GALNT7: variants seen among roughly 807,000 people sequenced by gnomAD.
The protein encoded by GALNT7 is polypeptide N-acetylgalactosaminyltransferase 7.
In GALNT7, 60 loss-of-function variants were observed where a neutral mutation model predicts 82.1. The observed-to-expected ratio is 0.73, with a 90% CI of 0.59 to 0.91. The LOEUF is 0.91. Ranked by LOEUF, GALNT7 falls within the 40% of genes least tolerant of loss-of-function variation. GALNT7 has a pLI of 0.00. For synonymous variants in GALNT7, 243 were observed against 275.1 expected, an observed-to-expected ratio of 0.88 and a Z score of 1.15; for missense variants, 660 against 804.2, an observed-to-expected ratio of 0.82 and a Z score of 2.17.
chr4:173,277,302 G>A (rs774503031), intron 2 of GALNT7, among the ~76,000 whole-genome samples: 12 of 152,142 alleles, frequency 7.9e-5, no homozygotes, highest in Non-Finnish European at 1.6e-4. Context: ...TGGGAGACTC[G>A]GAAGTACAAA....
chr4:173,211,769 T>C (rs1733292002), intron 1 of GALNT7, among the ~76,000 whole-genome samples: 1 of 152,222 alleles, frequency 6.6e-6, no homozygotes, highest in African/African-American at 2.4e-5. Flanking sequence ...TCTTGATACC[T>C]TTTAGACTCA....
chr4:173,250,748 C>T (rs1396787782), intron 2 of GALNT7, among the ~76,000 whole-genome samples: 1 of 152,194 alleles, frequency 6.6e-6, no homozygotes, highest in East Asian at 1.9e-4. Flanking sequence ...GCAGCCCCCA[C>T]GCTGTGGCCC....
chr4:173,255,347 G>A (rs1734999057), intron 2 of GALNT7, among the ~76,000 whole-genome samples: 1 of 152,094 alleles, frequency 6.6e-6, no homozygotes, highest in African/African-American at 2.4e-5. Flanking sequence ...TGTCCAAGTT[G>A]CTCTATTGAC....
intron 1 of GALNT7, among the ~76,000 whole-genome samples, chr4:173,184,310 T>C (rs1296490801): frequency 1.3e-5 from 2 of 151,742 alleles, no homozygotes; most frequent in African/African-American, 2.4e-5. Context: ...CTGGGCAACA[T>C]TGAGCACTGA....
intron 6 of GALNT7, among the ~76,000 whole-genome samples, chr4:173,299,361 A>G (rs1736834443): frequency 6.6e-6 from 1 of 152,156 alleles, no homozygotes; most frequent in Non-Finnish European, 1.5e-5. Flanking sequence ...TTAACAAATA[A>G]CTGTGGGAGA....
chr4:173,218,137 A>G (rs1336824307), intron 1 of GALNT7, among the ~76,000 whole-genome samples: 1 of 152,162 alleles, frequency 6.6e-6, no homozygotes, highest in Non-Finnish European at 1.5e-5. Flanking sequence ...CTTCAGCATA[A>G]ATGATAATAA....
intron 1 of GALNT7, among the ~76,000 whole-genome samples, chr4:173,193,897 G>GT (rs1442420618): frequency 2.6e-5 from 4 of 151,768 alleles, no homozygotes; most frequent in African/African-American, 4.8e-5. Context: ...AAAAACTATT[G>GT]TTTTTTTTAA....
chr4:173,258,132 A>G (rs747323298), intron 2 of GALNT7, among the ~76,000 whole-genome samples: 1 of 152,252 alleles, frequency 6.6e-6, no homozygotes, highest in Non-Finnish European at 1.5e-5. Context: ...AGCCTTGGGT[A>G]TTCTTATTTA....
At chr4:173,216,996 GC>G (rs1308009708) in intron 1 of GALNT7, among the ~76,000 whole-genome samples, 17 of 151,716 alleles carry the variant, frequency 1.1e-4, no homozygotes, top group African/African-American at 4.1e-4. Context: ...CTCCCAAAGT[GC>G]TGGGATTACA....
intron 1 of GALNT7, among the ~76,000 whole-genome samples, chr4:173,196,050 C>G (rs1321086170): frequency 2.0e-5 from 3 of 152,040 alleles, no homozygotes; most frequent in Admixed American, 6.5e-5. Context: ...GGAAAAAAAT[C>G]TAACAGTTGG....
chr4:173,313,184 T>C (rs1035478031), intron 8 of GALNT7, among the ~76,000 whole-genome samples: 2 of 152,250 alleles, frequency 1.3e-5, no homozygotes, highest in East Asian at 3.9e-4. Flanking sequence ...CCTGCAAAAA[T>C]GTGTTTTATT....
intron 8 of GALNT7, among the ~76,000 whole-genome samples, chr4:173,307,926 A>G (rs1001834737): frequency 1.1e-4 from 16 of 152,222 alleles, no homozygotes; most frequent in African/African-American, 3.9e-4. Flanking sequence ...GGGGTTCCCC[A>G]GCAGAAGGGC....
intron 1 of GALNT7, among the ~76,000 whole-genome samples, chr4:173,245,624 A>G (rs1211024784): frequency 4.6e-5 from 7 of 152,202 alleles, no homozygotes; most frequent in Non-Finnish European, 1.0e-4. Context: ...CAGCATCAAC[A>G]ACTGGGAACC....
At chr4:173,293,320 T>C (rs17059275) in intron 3 of GALNT7, among the ~76,000 whole-genome samples, 11,466 of 152,010 alleles carry the variant, frequency 0.075, 953 homozygotes, top group African/African-American at 0.21. Flanking sequence ...AAATCTCTAA[T>C]GAAGACAATC....
At position 173,199,758 on chromosome 4, in the gene GALNT7, C is replaced by T. The variant is rs373170059; in HGVS notation, c.126+30797C>T. ...TCTGGTTGTCTTCCAGTTTGGGCGG[C>T]GGGTGGTGGGTGGTGATAGTTGGTA... is the stretch of plus-strand genomic sequence containing the variant. On this transcript the variant is annotated intron_variant, in intron 1 of 11. Coordinates refer to ENST00000265000, the MANE Select transcript of GALNT7 (RefSeq NM_017423.3). 1.5e-4 allele frequency among the ~76,000 whole-genome samples: 23 copies of T among 152,134 alleles called. No homozygotes were observed. In the East Asian group the frequency reaches 2.3e-3, roughly 15 times the overall value.
chr4:173,185,843 T>C (rs1308780388), intron 1 of GALNT7, among the ~76,000 whole-genome samples: 2 of 152,350 alleles, frequency 1.3e-5, no homozygotes, highest in Non-Finnish European at 1.5e-5. Context: ...AGCAATCTTA[T>C]GGTTTTGGGA....
intron 5 of GALNT7, chr4:173,297,871 G>A: frequency 1.3e-6 from 2 of 1,507,136 alleles, no homozygotes; most frequent in Non-Finnish European, 1.8e-6. Context: ...AGGTGGGGAT[G>A]AAGATGGTTT....
At position 173,168,875 on chromosome 4, in the gene GALNT7, G is replaced by C. The variant is rs761948601; in HGVS notation, c.40G>C (p.Val14Leu). 2.5e-6 allele frequency: 4 copies of C among 1,613,798 alleles called. No homozygotes were observed. The highest frequency in any genetic ancestry group is 3.4e-6 in the Non-Finnish European group (4 of 1,179,796). The change falls in exon 1 of 12, where the codon GTG (valine) becomes CTG (leucine). Residue 14 changes from valine to leucine, a missense_variant. Val to Leu is a conservative substitution (Grantham distance 32). Coordinates refer to ENST00000265000, the MANE Select transcript of GALNT7 (RefSeq NM_017423.3). ...TGGGTTCATCTTACGCAGTTTGCTG[G>C]TGGTGGGAAGCTTCCTGGGGCTAGT... ...KIGFILRSLL[V>L]VGSFLGLVVL...
intron 9 of GALNT7, among the ~76,000 whole-genome samples, chr4:173,315,625 T>C (rs1443507634): frequency 6.6e-6 from 1 of 152,122 alleles, no homozygotes; most frequent in Non-Finnish European, 1.5e-5. Flanking sequence ...CTCATGCTGC[T>C]CTCTCTGTAC....
Sources: gnomAD v4.1 joint callset for allele counts (sites outside exome capture counted in the v4.1 genomes callset) on GRCh38, gnomAD v4.1.1 for gene constraint, MANE v1.5 for transcripts, NCBI Gene and HGNC (gene_info 2026-07-23, HGNC 2026-07-21) for gene names.